B3GALT1: variants seen among roughly 807,000 people sequenced by gnomAD.
B3GALT1 encodes the protein beta-1,3-galactosyltransferase 1.
A neutral mutation model predicts 23.2 loss-of-function variants in B3GALT1; 10 were observed. The ratio of observed to expected loss-of-function variants is 0.43; its 90% CI spans 0.27 to 0.73. The LOEUF (loss-of-function observed/expected upper bound fraction) is 0.73. Among genes scored for constraint, B3GALT1 ranks in the 30% least tolerant of loss-of-function variants. The pLI is 0.21. For synonymous variants in B3GALT1, 156 were observed against 141.5 expected (o/e 1.10, Z -0.73); for missense variants, 299 against 405.4 (o/e 0.74, Z 2.25).
intron 1 of B3GALT1, among the ~76,000 whole-genome samples, chr2:167,439,487 T>G (rs916723968): frequency 6.6e-6 from 1 of 152,186 alleles, no homozygotes; most frequent in Admixed American, 6.5e-5. Flanking sequence ...GAATTCATGC[T>G]TAAAATTATA....
rs984186395 is a variant in B3GALT1 at position 167,677,495 on chromosome 2, TTCTC to T, written c.-352+30530_-352+30533del. ...CTAAAGCAATTCCACAGGACCCTCTTTCTCAGGAAACTGCTGACCTCAAGATTCA... is the reference window on the plus strand; with the variant it reads ...CTAAAGCAATTCCACAGGACCCTCTTAGGAAACTGCTGACCTCAAGATTCA... On this transcript the variant is annotated intron_variant, in intron 3 of 4. Coordinates refer to ENST00000392690, the MANE Select transcript of B3GALT1 (RefSeq NM_020981.4). Among the ~76,000 whole-genome samples the T allele has an allele frequency of 3.3e-4, 50 of 152,324 alleles. 1 individual carries two copies. Among genetic ancestry groups the T allele is most frequent in the East Asian group, 1.7e-3 (9 of 5,182 alleles).
intron 3 of B3GALT1, among the ~76,000 whole-genome samples, chr2:167,799,532 C>A (rs1370203731): frequency 1.3e-5 from 2 of 152,142 alleles, no homozygotes; most frequent in East Asian, 3.8e-4. Flanking sequence ...CACAGACTGT[C>A]ATCTTCAGAA....
intron 1 of B3GALT1, among the ~76,000 whole-genome samples, chr2:167,364,231 C>T (rs999316602): frequency 6.7e-6 from 1 of 149,918 alleles, no homozygotes; most frequent in East Asian, 1.9e-4. Context: ...CCATTCTGCA[C>T]ACTTATATCA....
At chr2:167,384,392 A>G (rs1697888945) in intron 1 of B3GALT1, among the ~76,000 whole-genome samples, 1 of 152,156 alleles carries the variant, frequency 6.6e-6, no homozygotes, top group Non-Finnish European at 1.5e-5. Flanking sequence ...GGTAAGCATC[A>G]TGTGCTCTCT....
chr2:167,392,103 T>C (rs1426362153), intron 1 of B3GALT1, among the ~76,000 whole-genome samples: 1 of 151,938 alleles, frequency 6.6e-6, no homozygotes, highest in Non-Finnish European at 1.5e-5. Flanking sequence ...CTGTTTTTAC[T>C]TTCATGTGTC....
intron 4 of B3GALT1, among the ~76,000 whole-genome samples, chr2:167,831,081 C>T (rs905809314): frequency 2.0e-5 from 3 of 152,180 alleles, no homozygotes; most frequent in Admixed American, 2.0e-4. Context: ...TCACATAGCC[C>T]CAAAGCCAAG....
chr2:167,708,818 A>G lies in B3GALT1; in HGVS notation c.-352+61852A>G, dbSNP rs1687007514. 4.6e-5 allele frequency among the ~76,000 whole-genome samples: 7 copies of G among 152,276 alleles called. No individual in the cohort carries two copies. In the South Asian group the frequency reaches 1.5e-3, roughly 32 times the overall value. ...GTTTCTCATTTCTCCTTCCCTCACC[A>G]GTGTCTGCAAGAGGAATGGAGAGAG... On this transcript the variant is annotated intron_variant, in intron 3 of 4. Coordinates refer to ENST00000392690, the MANE Select transcript of B3GALT1 (RefSeq NM_020981.4).
chr2:167,473,538 G>A (rs186588678), intron 1 of B3GALT1, among the ~76,000 whole-genome samples: 1 of 152,232 alleles, frequency 6.6e-6, no homozygotes, highest in East Asian at 1.9e-4. Flanking sequence ...TTTGAAAAAA[G>A]AAATAACTCA....
rs558202592 is a variant in B3GALT1, at chr2:167,644,734, C to T, written c.-409-2175C>T. On this transcript the variant is annotated intron_variant, in intron 2 of 4. Coordinates refer to ENST00000392690, the MANE Select transcript of B3GALT1 (RefSeq NM_020981.4). ...GGCGGAGCTTGCAGTGAGCCAAGAT[C>T]GCACCACTGCACTCCAGCCTGGGTG... 1.4e-4 allele frequency among the ~76,000 whole-genome samples: 20 copies of T among 138,534 alleles called. No homozygotes were observed. The South Asian group carries it at 2.3e-3, about 16-fold the overall frequency. The allele number at this position is 138,534 out of a possible 152,430, so 90.9% of individuals were successfully genotyped here.
At chr2:167,676,819 G>A (rs1194118126) in intron 3 of B3GALT1, among the ~76,000 whole-genome samples, 4 of 152,138 alleles carry the variant, frequency 2.6e-5, no homozygotes, top group South Asian at 2.1e-4. Context: ...TTACAGGCAT[G>A]AGCCACCGCG....
intron 3 of B3GALT1, among the ~76,000 whole-genome samples, chr2:167,668,161 C>G (rs1452607447): frequency 6.6e-6 from 1 of 151,992 alleles, no homozygotes; most frequent in East Asian, 1.9e-4. Context: ...AGTTTTCCTT[C>G]TAACAGACAG....
At chr2:167,482,794 G>A (rs1699577368) in intron 1 of B3GALT1, among the ~76,000 whole-genome samples, 1 of 151,216 alleles carries the variant, frequency 6.6e-6, no homozygotes. Flanking sequence ...GAGCTGAGAT[G>A]GCGCCACTGC....
intron 3 of B3GALT1, among the ~76,000 whole-genome samples, chr2:167,663,433 G>T (rs899563807): frequency 6.6e-6 from 1 of 152,050 alleles, no homozygotes; most frequent in African/African-American, 2.4e-5. Flanking sequence ...GTGTGCATGT[G>T]TCTTTATAGC....
chr2:167,663,081 G>A (rs937226856), intron 3 of B3GALT1, among the ~76,000 whole-genome samples: 6 of 150,478 alleles, frequency 4.0e-5, no homozygotes, highest in South Asian at 2.1e-4. Flanking sequence ...CTAGCATTAC[G>A]TATATCTCCC....
chr2:167,620,684 A>G (rs1360831006), intron 2 of B3GALT1, among the ~76,000 whole-genome samples: 1 of 152,068 alleles, frequency 6.6e-6, no homozygotes, highest in Non-Finnish European at 1.5e-5. Context: ...CTGAGACCTA[A>G]CAAGGTAATG....
At chr2:167,746,958 T>G (rs1687662189) in intron 3 of B3GALT1, among the ~76,000 whole-genome samples, 1 of 152,212 alleles carries the variant, frequency 6.6e-6, no homozygotes, top group African/African-American at 2.4e-5. Flanking sequence ...ATTAAAGAGA[T>G]AATTCTTTTG....
At chr2:167,460,240 T>C (rs570198482) in intron 1 of B3GALT1, among the ~76,000 whole-genome samples, 7 of 152,310 alleles carry the variant, frequency 4.6e-5, no homozygotes, top group South Asian at 2.1e-4. Flanking sequence ...ACAACACATA[T>C]ACTGTTTTGC....
intron 1 of B3GALT1, among the ~76,000 whole-genome samples, chr2:167,399,068 T>G (rs983902057): frequency 1.3e-5 from 2 of 152,136 alleles, no homozygotes; most frequent in Non-Finnish European, 2.9e-5. Context: ...GGCAGAAACA[T>G]TTTTACAGCC....
At chr2:167,539,016 G>A (rs568636621) in intron 2 of B3GALT1, among the ~76,000 whole-genome samples, 3 of 152,082 alleles carry the variant, frequency 2.0e-5, no homozygotes, top group Admixed American at 1.3e-4. Flanking sequence ...TGAAACATCC[G>A]ATTATACTTA....
Sources: gnomAD v4.1 joint callset for allele counts (sites outside exome capture counted in the v4.1 genomes callset) on GRCh38, gnomAD v4.1.1 for gene constraint, MANE v1.5 for transcripts, NCBI Gene and HGNC (gene_info 2026-07-23, HGNC 2026-07-21) for gene names.